The following FABP12 variants were observed in gnomAD, a reference collection of about 807,000 sequenced individuals.
FABP12 encodes fatty acid-binding protein 12.
A neutral mutation model predicts 13.7 loss-of-function variants in FABP12; 19 were observed. The ratio of observed to expected loss-of-function variants is 1.39; its 90% CI spans 0.97 to 2.04. The LOEUF is 2.04. Ranked by LOEUF, FABP12 falls within the 30% of genes most tolerant of loss-of-function variation. The pLI, the probability that FABP12 is intolerant of heterozygous loss-of-function variation, is 0.00. For missense variants in FABP12, 182 were observed against 164.2 expected (o/e 1.11, Z -0.59); for synonymous variants, 61 against 57.0 (o/e 1.07, Z -0.32).
chr8:81,584,584 TG>T (rs1371930877), intron 1 of FABP12, among the ~76,000 whole-genome samples: 1 of 14,044 alleles, frequency 7.1e-5, no homozygotes, highest in Non-Finnish European at 1.7e-4. Flanking sequence ...CTTCCCACCC[TG>T]ACCCAATCCC....
At chr8:81,551,187 C>T (rs531396424) in intron 1 of FABP12, among the ~76,000 whole-genome samples, 82 of 152,234 alleles carry the variant, frequency 5.4e-4, no homozygotes, top group African/African-American at 1.9e-3. Context: ...AATACTGACT[C>T]CTGAGGTCCA....
intron 1 of FABP12, among the ~76,000 whole-genome samples, chr8:81,553,090 T>G (rs1329793256): frequency 6.6e-6 from 1 of 152,114 alleles, no homozygotes; most frequent in Admixed American, 6.5e-5. Context: ...ATGTAAGGTA[T>G]GCAGAGGAAA....
intron 1 of FABP12, among the ~76,000 whole-genome samples, chr8:81,551,605 C>G (rs1469891302): frequency 1.3e-5 from 2 of 152,052 alleles, no homozygotes; most frequent in Non-Finnish European, 2.9e-5. Context: ...GACACAAAGT[C>G]TAGTGGGGAT....
chr8:81,562,758 T>C (rs1467510101), intron 1 of FABP12, among the ~76,000 whole-genome samples: 1 of 152,108 alleles, frequency 6.6e-6, no homozygotes, highest in Non-Finnish European at 1.5e-5. Flanking sequence ...TGCAGTAGAA[T>C]AGAGGACCAC....
chr8:81,551,869 C>T (rs1206069851), intron 1 of FABP12, among the ~76,000 whole-genome samples: 2 of 152,074 alleles, frequency 1.3e-5, no homozygotes, highest in African/African-American at 4.8e-5. Flanking sequence ...TCCAAGTGTT[C>T]ATCTCATTCA....
intron 2 of FABP12, among the ~76,000 whole-genome samples, chr8:81,530,994 T>C (rs1305625922): frequency 6.6e-6 from 1 of 152,236 alleles, no homozygotes; most frequent in Non-Finnish European, 1.5e-5. Flanking sequence ...TTTTTTGTTT[T>C]AAAACATTTA....
Position 81,532,654 on chromosome 8 carries a change from C to T in FABP12, c.-76+1148G>A, listed in dbSNP as rs561852860. Among the ~76,000 whole-genome samples the T allele has an allele frequency of 2.0e-5, 3 of 152,316 alleles. No individual in the cohort carries two copies. In the South Asian group the frequency reaches 6.2e-4, roughly 32 times the overall value. ...GGGCCAATATGGTGAAACCCTGTCT[C>T]TACTAAAAATACAAAAATTAGCCAG... On this transcript the variant is annotated intron_variant, in intron 1 of 4. Coordinates refer to ENST00000360464, the Ensembl canonical transcript of FABP12.
chr8:81,542,519 G>A (rs1351847258), intron 1 of FABP12, among the ~76,000 whole-genome samples: 1 of 152,158 alleles, frequency 6.6e-6, no homozygotes, highest in Non-Finnish European at 1.5e-5. Flanking sequence ...CCTGGTGAGA[G>A]GACACAGGGA....
intron 1 of FABP12, among the ~76,000 whole-genome samples, chr8:81,547,812 T>C (rs1809459484): frequency 6.6e-6 from 1 of 152,216 alleles, no homozygotes; most frequent in Non-Finnish European, 1.5e-5. Context: ...GATCAGCATC[T>C]GCTATGTGAC....
At chr8:81,571,042 C>A (rs1809922035) in intron 1 of FABP12, among the ~76,000 whole-genome samples, 1 of 88,712 alleles carries the variant, frequency 1.1e-5, no homozygotes, top group Non-Finnish European at 2.2e-5. Flanking sequence ...GCCGAGCCAC[C>A]CTCAGGCCCC....
intron 1 of FABP12, among the ~76,000 whole-genome samples, chr8:81,587,220 G>C (rs1239509845): frequency 6.6e-6 from 1 of 152,150 alleles, no homozygotes; most frequent in Non-Finnish European, 1.5e-5. Context: ...TTGAAATTGG[G>C]TAATGTGATG....
chr8:81,569,759 A>G (rs2130068788), intron 1 of FABP12, among the ~76,000 whole-genome samples: 1 of 152,352 alleles, frequency 6.6e-6, no homozygotes, highest in Non-Finnish European at 1.5e-5. Context: ...GCAGTCTCTT[A>G]GTCATAAAAG....
chr8:81,540,179 G>A (rs1321398450), intron 1 of FABP12, among the ~76,000 whole-genome samples: 5 of 152,176 alleles, frequency 3.3e-5, no homozygotes, highest in Non-Finnish European at 7.4e-5. Flanking sequence ...TTTTAGAAAT[G>A]CACATTCTTG....
chr8:81,550,764 T>C (rs1302213634), intron 1 of FABP12, among the ~76,000 whole-genome samples: 1 of 152,162 alleles, frequency 6.6e-6, no homozygotes, highest in Non-Finnish European at 1.5e-5. Flanking sequence ...TTACCAAACC[T>C]AGGTACCTTT....
At chr8:81,589,222 T>C (rs1810285719) in intron 1 of FABP12, among the ~76,000 whole-genome samples, 1 of 152,112 alleles carries the variant, frequency 6.6e-6, no homozygotes, top group African/African-American at 2.4e-5. Context: ...CAAATTAAAT[T>C]TGCGAGTTAA....
intron 3 of FABP12, 92 bp downstream of exon 3, chr8:81,529,346 T>C (rs1808994757): frequency 1.6e-6 from 2 of 1,264,604 alleles, no homozygotes; most frequent in African/African-American, 1.5e-5. Flanking sequence ...TTAAGGACTT[T>C]AGATATGTTT....
chr8:81,531,090 A>G (rs953387929), intron 2 of FABP12, among the ~76,000 whole-genome samples, 153 bp downstream of exon 2: 11 of 152,232 alleles, frequency 7.2e-5, no homozygotes. Flanking sequence ...ATAGTTTTGC[A>G]CAGAACTATA....
chr8:81,584,757 C>T (rs1810218951), intron 1 of FABP12, among the ~76,000 whole-genome samples: 1 of 152,154 alleles, frequency 6.6e-6, no homozygotes, highest in Non-Finnish European at 1.5e-5. Context: ...AATTTACATT[C>T]CCACCCACAG....
rs575645023 is a variant in FABP12, at chr8:81,566,657, T to A, written c.-185+23396A>T. 1.1e-4 allele frequency among the ~76,000 whole-genome samples: 16 copies of A among 151,854 alleles called. No individual in the cohort carries two copies. In the South Asian group the frequency reaches 3.3e-3, roughly 32 times the overall value. ...AAAAACCATATATAGATGGAAAATA[T>A]CTCAACACACTAAAAGCCATATAAG... On this transcript the variant is annotated intron_variant, in intron 1 of 5. Coordinates refer to the FABP12 transcript ENST00000692030.
Sources: allele counts gnomAD v4.1 joint callset (sites outside exome capture counted in the v4.1 genomes callset), GRCh38; gene constraint gnomAD v4.1.1; transcripts MANE v1.5; gene names NCBI Gene and HGNC (gene_info 2026-07-23, HGNC 2026-07-21).